PDXK: variants seen among roughly 807,000 people sequenced by gnomAD.
PDXK encodes the protein pyridoxal kinase, also known as epididymis secretory sperm binding protein Li 1a.
Under a neutral mutation model 43.2 loss-of-function variants are expected in PDXK, and 15 were observed. The observed-to-expected ratio is 0.35, with a 90% confidence interval of 0.23 to 0.53. The LOEUF is 0.53. Ranked by LOEUF, PDXK falls within the 20% of genes least tolerant of loss-of-function variation. PDXK has a pLI of 0.92. For synonymous variants in PDXK, 172 were observed against 165.4 expected, an observed-to-expected ratio of 1.04 and a Z score of -0.31; for missense variants, 343 against 417.0, an observed-to-expected ratio of 0.82 and a Z score of 1.54.
intron 1 of PDXK, chr21:43,721,730 CTGATTCCT>C (rs1406479869): frequency 6.6e-6 from 1 of 152,288 alleles, no homozygotes; most frequent in Non-Finnish European, 1.5e-5. Flanking sequence ...GGAGCTCCCA[CTGATTCCT>C]TGTGAGTGTA....
chr21:43,748,843 C>CA, intron 5 of PDXK, 152 bp from the exon 6 acceptor site: 1 of 613,628 alleles, frequency 1.6e-6, no homozygotes, highest in Non-Finnish European at 2.9e-6. Context: ...GTGGTGGGAA[C>CA]AACTTATCGC....
chr21:43,733,575 C>T (rs1184859579), intron 1 of PDXK: 1 of 886,858 alleles, frequency 1.1e-6, no homozygotes, highest in Non-Finnish European at 1.4e-6. Flanking sequence ...CCCTGACTCT[C>T]ACTCAGGCTT....
rs1008989447 is a variant in PDXK at position 43,754,332 on chromosome 21, G to A, written c.759+613G>A. Among the ~76,000 whole-genome samples, 11 of 152,194 alleles carry A rather than the reference G, an allele frequency of 7.2e-5. No individual in the cohort carries two copies. Among genetic ancestry groups the A allele is most frequent in the Admixed American group, 2.0e-4 (3 of 15,286 alleles). ...GGACTGTTGGGCAACTGACATGGCA[G>A]GTTGGGATGTGGGGTCTCGTGAGCC... On this transcript the variant is annotated intron_variant, in intron 9 of 10. Coordinates refer to ENST00000291565, the MANE Select transcript of PDXK (RefSeq NM_003681.5). This position sits in a 1 kb window ranked among gnomAD's most constrained non-coding sequence, Gnocchi z 5.5.
chr21:43,750,440 C>A, intron 6 of PDXK, 60 bp from the exon 7 acceptor site: 2 of 1,465,426 alleles, frequency 1.4e-6, no homozygotes, highest in Non-Finnish European at 9.4e-7. Context: ...AATGTCAACA[C>A]ACAACCCGGA....
chr21:43,756,136 T>C lies in PDXK; in HGVS notation c.*73T>C, dbSNP rs1407488326. ...TTTGTCCCTGTGAAAACATGTAACG[T>C]CTGCCTTAGAGCCATGACCGAAACT... On this transcript the variant is annotated 3_prime_UTR_variant, in exon 11 of 11. Coordinates refer to ENST00000291565, the MANE Select transcript of PDXK (RefSeq NM_003681.5). The C allele has an allele frequency of 1.0e-5, 9 of 868,750 alleles. No homozygotes were observed. The Admixed American group carries it at 1.9e-4, about 18-fold the overall frequency. 53.8% of individuals were successfully genotyped at this position (868,750 alleles called of 1,614,324 possible). A position where few individuals can be genotyped will look rare whatever the true frequency, so the allele number is the denominator to read the frequency against.
At chr21:43,719,422 C>T in intron 1 of PDXK, 41 bp downstream of exon 1, 1 of 1,490,352 alleles carries the variant, frequency 6.7e-7, no homozygotes, top group South Asian at 1.2e-5. Context: ...TAACCCGAGC[C>T]CGTGACCTTG....
At chr21:43,744,018 T>C (rs897948562) in intron 4 of PDXK, among the ~76,000 whole-genome samples, 21 of 152,204 alleles carry the variant, frequency 1.4e-4, no homozygotes, top group African/African-American at 4.6e-4. Context: ...GTGACCCTGG[T>C]GTCTTGTGTG....
intron 8 of PDXK, among the ~76,000 whole-genome samples, chr21:43,753,023 T>C (rs941287286): frequency 6.6e-6 from 1 of 152,194 alleles, no homozygotes; most frequent in Non-Finnish European, 1.5e-5. Context: ...CGCGGGTTCA[T>C]ACCCATGGGC....
chr21:43,739,243 G>A (rs928368280), intron 2 of PDXK, among the ~76,000 whole-genome samples: 1 of 152,100 alleles, frequency 6.6e-6, no homozygotes, highest in African/African-American at 2.4e-5. Context: ...GGCTGGTCTC[G>A]AACTCCCGAC....
At chr21:43,738,921 A>G (rs1601805565) in intron 2 of PDXK, 3 of 146,718 alleles carry the variant, frequency 2.0e-5, no homozygotes, top group Middle Eastern at 3.6e-3. Flanking sequence ...ACCTTTATGA[A>G]CTCTTTTCTT....
In PDXK at chr21:43,743,772, A is replaced by G; in HGVS notation, c.296A>G (p.Gln99Arg). 1 of 1,613,840 alleles carries G rather than the reference A, an allele frequency of 6.2e-7. No homozygotes were observed. Among genetic ancestry groups the G allele is most frequent in the Non-Finnish European group, 8.5e-7 (1 of 1,179,802 alleles). Residue 99 changes from glutamine (Q) to arginine (R), a missense_variant, in exon 4 of 11, where the codon CAG becomes CGG. Coordinates refer to ENST00000291565, the MANE Select transcript of PDXK (RefSeq NM_003681.5). ...CTGGCCATGGTGGTGGACATTGTGC[A>G]GGAGCTGAAGCAGCAGAACCCCAGG... ...SFLAMVVDIV[Q>R]ELKQQNPRLV...
intron 2 of PDXK, among the ~76,000 whole-genome samples, chr21:43,736,138 T>C (rs2083397477): frequency 6.6e-6 from 1 of 152,224 alleles, no homozygotes; most frequent in Non-Finnish European, 1.5e-5. Context: ...TTTTCCTTTT[T>C]GTTCCCCCTA....
chr21:43,736,877 T>C, intron 2 of PDXK: 1 of 697,272 alleles, frequency 1.4e-6, no homozygotes, highest in Non-Finnish European at 2.6e-6. Flanking sequence ...CAAGCGATCC[T>C]GCCCCCTCAG....
At position 43,754,933 on chromosome 21, in the gene PDXK, C is replaced by T. The variant is rs1248218530; in HGVS notation, c.760-765C>T. Among the ~76,000 whole-genome samples the T allele has an allele frequency of 6.6e-6, 1 of 152,112 alleles. No homozygotes were observed. Among genetic ancestry groups the T allele is most frequent in the Non-Finnish European group, 1.5e-5 (1 of 68,004 alleles). ...TGCCTCCCATGGGACTAGCCCTCTG[C>T]ACACCCTGAGCTGGAATGCACAGCC... On this transcript the variant is annotated intron_variant, in intron 9 of 10. Coordinates refer to ENST00000291565, the MANE Select transcript of PDXK (RefSeq NM_003681.5). This position sits in a 1 kb window ranked among gnomAD's most constrained non-coding sequence, Gnocchi z 5.5.
chr21:43,752,376 C>T (rs1433790364), intron 7 of PDXK, 142 bp from the exon 8 acceptor site: 7 of 620,082 alleles, frequency 1.1e-5, no homozygotes, highest in African/African-American at 7.3e-5. Context: ...CCATTGGGAA[C>T]GGGCTCTGGG....
At position 43,760,901 on chromosome 21, in the gene PDXK, G is replaced by A. The variant is rs1249388411; in HGVS notation, c.*4838G>A. 1 of 152,248 alleles carries A rather than the reference G, an allele frequency of 6.6e-6. No homozygotes were observed. The highest frequency in any genetic ancestry group is 1.9e-4 in the East Asian group (1 of 5,198). The allele number at this position is 152,248 out of a possible 1,614,324, so 9.4% of individuals were successfully genotyped here. ...CTGCAGTTTGTTCTCAGAGCAGAAT[G>A]TTTCCTGTTCTCAGTGCACAAAGAC... On this transcript the variant is annotated 3_prime_UTR_variant, in exon 11 of 11. Coordinates refer to ENST00000291565, the MANE Select transcript of PDXK (RefSeq NM_003681.5).
At position 43,737,818 on chromosome 21, in the gene PDXK, C is replaced by A; in HGVS notation, c.142+3695C>A. The A allele has an allele frequency of 2.0e-6, 2 of 985,524 alleles. No individual in the cohort carries two copies. The highest frequency in any genetic ancestry group is 4.7e-5 in the South Asian group (1 of 21,288). 61.0% of individuals were successfully genotyped at this position (985,524 alleles called of 1,614,324 possible). On this transcript the variant is annotated intron_variant, in intron 2 of 10. Transcript: ENST00000291565. This position sits in a 1 kb window ranked among gnomAD's most constrained non-coding sequence, Gnocchi z 4.8. ...AGGCTCCTTGGGCCGCCCGAGGAAC[C>A]GCTTGTTTGCCTGTGCTTTTTCATC...
chr21:43,719,864 G>A, intron 1 of PDXK: 3 of 985,478 alleles, frequency 3.0e-6, no homozygotes, highest in South Asian at 4.7e-5. Context: ...CCCTGTGCGT[G>A]GGGAAGTCAG....
chr21:43,746,219 C>A, intron 5 of PDXK, 94 bp downstream of exon 5: 1 of 976,308 alleles, frequency 1.0e-6, no homozygotes, highest in Non-Finnish European at 1.7e-6. Flanking sequence ...GTGTCTAACT[C>A]GGTGGGACTC....
Sources: gnomAD v4.1 joint callset for allele counts (sites outside exome capture counted in the v4.1 genomes callset) on GRCh38, gnomAD v4.1.1 for gene constraint, Gnocchi (gnomAD v3.1) non-coding constraint, MANE v1.5 for transcripts, NCBI Gene and HGNC (gene_info 2026-07-23, HGNC 2026-07-21) for gene names.